COL23A1: variants seen among roughly 807,000 people sequenced by gnomAD.
COL23A1 encodes the protein collagen type XXIII alpha 1 chain, also known as collagen alpha-1(XXIII) chain.
COL23A1 carries 97 observed loss-of-function variants against 99.3 expected under a neutral mutation model. That is an observed-to-expected ratio of 0.98 (90% CI 0.83 to 1.16). The LOEUF is 1.16. COL23A1 is among the 50% of genes most tolerant of loss of function. The probability of loss-of-function intolerance (pLI) is 0.00; values close to 1 mark genes in which losing one functional copy is unlikely to be tolerated. For synonymous variants in COL23A1, 320 were observed against 308.2 expected, an observed-to-expected ratio of 1.04 and a Z score of -0.40; for missense variants, 762 against 757.4, an observed-to-expected ratio of 1.01 and a Z score of -0.07.
intron 2 of COL23A1, among the ~76,000 whole-genome samples, chr5:178,504,801 G>A (rs949289640): frequency 2.6e-5 from 4 of 152,196 alleles, no homozygotes; most frequent in African/African-American, 9.7e-5. Context: ...GCCACCTGCA[G>A]CCAAGTAGGA....
intron 2 of COL23A1, among the ~76,000 whole-genome samples, chr5:178,557,339 C>T (rs887186107): frequency 2.6e-5 from 4 of 152,198 alleles, no homozygotes; most frequent in African/African-American, 7.2e-5. Flanking sequence ...TTTCAAAGGT[C>T]ACATTCACAG....
rs1766088235 is a variant in COL23A1, at chr5:178,428,760, T to C, written c.362-121841A>G. ...TCATTCATTTCAGGGCCTCATTTTG[T>C]TCCTGAACTGGGCTCAGTGTTAGGA... is the stretch of plus-strand genomic sequence containing the variant. On this transcript the variant is annotated intron_variant, in intron 2 of 28. Coordinates refer to ENST00000390654, the MANE Select transcript of COL23A1 (RefSeq NM_173465.4). This position sits in a 1 kb window ranked among gnomAD's most constrained non-coding sequence, Gnocchi z 5.0. 6.6e-6 allele frequency among the ~76,000 whole-genome samples: 1 copy of C among 152,220 alleles called. No individual in the cohort carries two copies. Among genetic ancestry groups the C allele is most frequent in the East Asian group, 1.9e-4 (1 of 5,190 alleles).
At chr5:178,575,927 C>T (rs1021723749) in intron 1 of COL23A1, among the ~76,000 whole-genome samples, 1 of 152,362 alleles carries the variant, frequency 6.6e-6, no homozygotes. Flanking sequence ...ACAACTACTT[C>T]ACAATCTTCC....
At chr5:178,285,942 C>T (rs1287412491) in intron 5 of COL23A1, among the ~76,000 whole-genome samples, 1 of 152,246 alleles carries the variant, frequency 6.6e-6, no homozygotes, top group South Asian at 2.1e-4. Context: ...AGCGGGGTGT[C>T]TGCCCCACCC....
rs1212342374 is a variant in COL23A1, at chr5:178,240,017, T to C, written c.1582-838A>G. On this transcript the variant is annotated intron_variant, in intron 27 of 28. Transcript: ENST00000390654. ...AGGGTTTTAAGGATGGCCCAGGAAT[T>C]GGCATCCTGCTCCAGCCTGTGCTGG... Among the ~76,000 whole-genome samples, 5 of 152,070 alleles carry C rather than the reference T, an allele frequency of 3.3e-5. No homozygotes were observed. In the East Asian group the frequency reaches 9.7e-4, roughly 30 times the overall value.
intron 2 of COL23A1, among the ~76,000 whole-genome samples, chr5:178,534,694 G>A (rs1037064547): frequency 1.3e-5 from 2 of 152,006 alleles, no homozygotes; most frequent in African/African-American, 4.8e-5. Context: ...CAGGAGAATC[G>A]CTTGAACCCG....
In COL23A1 at chr5:178,451,028, C is replaced by A. The variant is rs557114797; in HGVS notation, c.361+109654G>T. Among the ~76,000 whole-genome samples, 13 of 152,276 alleles carry A rather than the reference C, an allele frequency of 8.5e-5. No individual in the cohort carries two copies. The South Asian group carries it at 2.7e-3, about 32-fold the overall frequency. ...ACAAATAGAATAAAGAATTATAGGTCTCTATGTTATTAAAACTAAATCCTT... is the reference window on the plus strand; with the variant it reads ...ACAAATAGAATAAAGAATTATAGGTATCTATGTTATTAAAACTAAATCCTT... On this transcript the variant is annotated intron_variant, in intron 2 of 28. Coordinates refer to ENST00000390654, the MANE Select transcript of COL23A1 (RefSeq NM_173465.4).
At chr5:178,325,968 T>C (rs1759628902) in intron 2 of COL23A1, among the ~76,000 whole-genome samples, 1 of 152,198 alleles carries the variant, frequency 6.6e-6, no homozygotes, top group Non-Finnish European at 1.5e-5. Context: ...GGGGTCTTTC[T>C]AGCCAGGGCT....
At chr5:178,247,876 C>G (rs1282853916) in intron 20 of COL23A1, 45 bp from the exon 21 acceptor site, 1 of 1,540,518 alleles carries the variant, frequency 6.5e-7, no homozygotes. Flanking sequence ...GCCTGTCACC[C>G]TCACCTACCC....
intron 1 of COL23A1, among the ~76,000 whole-genome samples, chr5:178,581,770 A>G (rs952617651): frequency 4.6e-5 from 7 of 152,070 alleles, no homozygotes; most frequent in Non-Finnish European, 1.0e-4. Flanking sequence ...TGGGATATGC[A>G]AGATTTTCTT....
intron 2 of COL23A1, among the ~76,000 whole-genome samples, chr5:178,410,144 T>C (rs1764986587): frequency 6.6e-6 from 1 of 152,192 alleles, no homozygotes; most frequent in African/African-American, 2.4e-5. Flanking sequence ...CATAATACAG[T>C]ATGAAAACAG....
intron 5 of COL23A1, among the ~76,000 whole-genome samples, chr5:178,270,970 G>C (rs1382299004): frequency 1.3e-5 from 2 of 152,240 alleles, no homozygotes; most frequent in Non-Finnish European, 2.9e-5. Flanking sequence ...AACTGGCAGA[G>C]TCTTGAAGGC....
At chr5:178,253,830 C>T (rs572460254) in intron 16 of COL23A1, among the ~76,000 whole-genome samples, 4 of 152,232 alleles carry the variant, frequency 2.6e-5, no homozygotes, top group African/African-American at 9.6e-5. Flanking sequence ...TGGCTGCCCG[C>T]TGCCCATCAA....
chr5:178,472,995 C>T (rs771356308), intron 2 of COL23A1, among the ~76,000 whole-genome samples: 1 of 140,466 alleles, frequency 7.1e-6, no homozygotes, highest in African/African-American at 2.6e-5. Flanking sequence ...TGGTCACACG[C>T]ACCTGTGATC....
intron 1 of COL23A1, among the ~76,000 whole-genome samples, chr5:178,580,214 G>A (rs1763592252): frequency 6.6e-6 from 1 of 152,048 alleles, no homozygotes; most frequent in African/African-American, 2.4e-5. Context: ...TGTAATCCCA[G>A]CTACTCCAGA....
Position 178,544,562 on chromosome 5 carries a change from G to A in COL23A1, c.361+16120C>T, listed in dbSNP as rs1761477552. On this transcript the variant is annotated intron_variant, in intron 2 of 28. Coordinates refer to ENST00000390654, the MANE Select transcript of COL23A1 (RefSeq NM_173465.4). This position sits in a 1 kb window ranked among gnomAD's most constrained non-coding sequence, Gnocchi z 4.4. The stretch of plus-strand genomic sequence containing the variant: ...ACTCTGAGGCCCAGAGGTACAGCTA[G>A]GAAGCATGTCCCTCCTGGGTACAGC... Among the ~76,000 whole-genome samples, 2 of 152,178 alleles carry A rather than the reference G, an allele frequency of 1.3e-5. No individual in the cohort carries two copies. Among genetic ancestry groups the A allele is most frequent in the African/African-American group, 2.4e-5 (1 of 41,434 alleles).
Position 178,437,542 on chromosome 5 carries a change from G to A in COL23A1, c.361+123140C>T, listed in dbSNP as rs1335962941. Among the ~76,000 whole-genome samples, 3 of 152,168 alleles carry A rather than the reference G, an allele frequency of 2.0e-5. No homozygotes were observed. The East Asian group carries it at 5.8e-4, about 29-fold the overall frequency. On this transcript the variant is annotated intron_variant, in intron 2 of 28. Transcript: ENST00000390654. ...AGGAGGGTAGAAGGCTGTATGAGCT[G>A]GGCCCCAGCCGCTATCTGCCCAGCA...
chr5:178,441,836 A>AC (rs2127841532), intron 2 of COL23A1, among the ~76,000 whole-genome samples: 1 of 152,000 alleles, frequency 6.6e-6, no homozygotes, highest in South Asian at 2.1e-4. Context: ...AATCCCACCA[A>AC]CCCCAACCTG....
At chr5:178,325,187 C>T (rs1181589356) in intron 2 of COL23A1, among the ~76,000 whole-genome samples, 1 of 152,224 alleles carries the variant, frequency 6.6e-6, no homozygotes, top group African/African-American at 2.4e-5. Context: ...TCGCTGCCTC[C>T]CCACTGCCTG....
Sources: gnomAD v4.1 joint callset for allele counts (sites outside exome capture counted in the v4.1 genomes callset) on GRCh38, gnomAD v4.1.1 for gene constraint, Gnocchi (gnomAD v3.1) non-coding constraint, MANE v1.5 for transcripts, NCBI Gene and HGNC (gene_info 2026-07-23, HGNC 2026-07-21) for gene names.